Variants in MED13L observed in about 807,000 individuals in gnomAD.
The protein encoded by MED13L is mediator of RNA polymerase II transcription subunit 13-like.
In MED13L, 7 loss-of-function variants were observed where a neutral mutation model predicts 220.9. That is an observed-to-expected ratio of 0.03 (90% CI 0.02 to 0.06). The LOEUF is 0.06. Ranked by LOEUF, MED13L falls within the 10% of genes least tolerant of loss-of-function variation. MED13L has a pLI of 1.00. For synonymous variants in MED13L, 1,011 were observed against 1,015.2 expected, an observed-to-expected ratio of 1.00 and a Z score of 0.08; for missense variants, 1,965 against 2,760.5, an observed-to-expected ratio of 0.71 and a Z score of 6.46.
intron 4 of MED13L, among the ~76,000 whole-genome samples, chr12:116,041,477 T>C (rs922808748): frequency 6.6e-6 from 1 of 152,212 alleles, no homozygotes. Context: ...TACAGCTCTG[T>C]GCTAACTGGA....
At chr12:116,256,290 C>CA (rs1212694657) in intron 1 of MED13L, among the ~76,000 whole-genome samples, 825 of 80,008 alleles carry the variant, frequency 0.01, 5 homozygotes, top group East Asian at 0.026. Flanking sequence ...TACTATTTAG[C>CA]AAAAAAAAAA....
intron 1 of MED13L, among the ~76,000 whole-genome samples, chr12:116,260,653 A>G (rs895082489): frequency 6.6e-6 from 1 of 152,158 alleles, no homozygotes; most frequent in Admixed American, 6.5e-5. Context: ...AAAACAAGCA[A>G]TAAGTACCAA....
intron 2 of MED13L, among the ~76,000 whole-genome samples, chr12:116,132,898 C>T (rs896470626): frequency 4.0e-5 from 6 of 150,956 alleles, no homozygotes; most frequent in Middle Eastern, 3.4e-3. Flanking sequence ...GGTGACAAAG[C>T]GAGACTCTGT....
chr12:115,966,626 C>T (rs889172235), intron 28 of MED13L, among the ~76,000 whole-genome samples: 1 of 152,156 alleles, frequency 6.6e-6, no homozygotes, highest in African/African-American at 2.4e-5. Flanking sequence ...CACACAAGCG[C>T]ACCAGCCTGA....
chr12:115,992,889 T>C (rs1407985824), intron 16 of MED13L, among the ~76,000 whole-genome samples: 3 of 152,220 alleles, frequency 2.0e-5, no homozygotes, highest in Non-Finnish European at 2.9e-5. Context: ...GGTTCTGCTG[T>C]TTCATTATCA....
chr12:115,995,594 T>C (rs1193107995), intron 16 of MED13L, among the ~76,000 whole-genome samples: 1 of 152,126 alleles, frequency 6.6e-6, no homozygotes, highest in Non-Finnish European at 1.5e-5. Flanking sequence ...AACTAAATTT[T>C]TGTATTTTTT....
intron 2 of MED13L, among the ~76,000 whole-genome samples, chr12:116,173,738 G>C (rs572079299): frequency 6.6e-6 from 1 of 152,184 alleles, no homozygotes; most frequent in South Asian, 2.1e-4. Flanking sequence ...GAGCACAAAG[G>C]ACTATCCACA....
chr12:116,167,610 G>A (rs1649382046), intron 2 of MED13L, among the ~76,000 whole-genome samples: 1 of 152,104 alleles, frequency 6.6e-6, no homozygotes, highest in African/African-American at 2.4e-5. Context: ...CATATTCTGT[G>A]TACTATACTC....
chr12:116,019,703 A>C (rs1879939299), intron 6 of MED13L, 75 bp downstream of exon 6: 1 of 1,490,704 alleles, frequency 6.7e-7, no homozygotes, highest in Non-Finnish European at 9.3e-7. Context: ...TTTCTGAAGA[A>C]TCTAAATGAT....
intron 1 of MED13L, among the ~76,000 whole-genome samples, chr12:116,247,194 C>T (rs1419068139): frequency 6.7e-6 from 1 of 148,346 alleles, no homozygotes; most frequent in Non-Finnish European, 1.5e-5. Context: ...GTAGACCTAT[C>T]TGATTCTTTA....
At chr12:116,220,124 C>T (rs891703855) in intron 2 of MED13L, among the ~76,000 whole-genome samples, 6 of 152,052 alleles carry the variant, frequency 3.9e-5, no homozygotes, top group Non-Finnish European at 8.8e-5. Flanking sequence ...TATAGCAAAA[C>T]TATCTGTAAC....
chr12:116,124,345 T>C (rs1444996897), intron 2 of MED13L, among the ~76,000 whole-genome samples: 1 of 152,206 alleles, frequency 6.6e-6, no homozygotes, highest in East Asian at 1.9e-4. Context: ...AAATTCATTC[T>C]ATAAATCCAA....
intron 4 of MED13L, among the ~76,000 whole-genome samples, chr12:116,093,505 A>G (rs150985265): frequency 6.6e-6 from 1 of 152,208 alleles, no homozygotes; most frequent in Admixed American, 6.5e-5. Flanking sequence ...ATAGCACAAG[A>G]ACTTTAAAGG....
At chr12:116,047,910 A>C (rs964647377) in intron 4 of MED13L, among the ~76,000 whole-genome samples, 3 of 152,202 alleles carry the variant, frequency 2.0e-5, no homozygotes, top group Non-Finnish European at 4.4e-5. Flanking sequence ...GGAGTTAAGA[A>C]AAAGAGTAAG....
chr12:115,992,015 G>A, intron 16 of MED13L, 58 bp from the exon 17 acceptor site: 2 of 1,424,288 alleles, frequency 1.4e-6, no homozygotes, highest in Non-Finnish European at 9.7e-7. Context: ...TGCTGAACTA[G>A]ACACATGATC....
chr12:116,109,762 A>G (rs188710075), intron 3 of MED13L, among the ~76,000 whole-genome samples: 128 of 152,298 alleles, frequency 8.4e-4, no homozygotes, highest in African/African-American at 2.9e-3. Flanking sequence ...AGAATACTTA[A>G]GAGTACTCAA....
chr12:116,005,804 A>G (rs1319310491), intron 13 of MED13L, 65 bp downstream of exon 13: 11 of 1,589,922 alleles, frequency 6.9e-6, no homozygotes, highest in Non-Finnish European at 6.9e-6. Flanking sequence ...AAGAAATACT[A>G]CAACACTGAT....
chr12:116,164,511 T>A (rs1879108211), intron 2 of MED13L, among the ~76,000 whole-genome samples: 2 of 152,208 alleles, frequency 1.3e-5, no homozygotes. Flanking sequence ...TGATGTGACA[T>A]GAGCTGCTAC....
At chr12:116,111,618 T>A in intron 2 of MED13L, 106 bp from the exon 3 acceptor site, 1 of 787,692 alleles carries the variant, frequency 1.3e-6, no homozygotes, top group Non-Finnish European at 2.0e-6. Context: ...TGAGTTAATT[T>A]AAATGACTTA....
Sources: allele counts gnomAD v4.1 joint callset (sites outside exome capture counted in the v4.1 genomes callset), GRCh38; gene constraint gnomAD v4.1.1; transcripts MANE v1.5; gene names NCBI Gene and HGNC (gene_info 2026-07-23, HGNC 2026-07-21).